SDHA: variants seen among roughly 807,000 people sequenced by gnomAD.
SDHA encodes the protein succinate dehydrogenase complex flavoprotein subunit A, also known as succinate dehydrogenase [ubiquinone] flavoprotein subunit, mitochondrial.
In SDHA, 48 loss-of-function variants were observed where a neutral mutation model predicts 78.4. That is an observed-to-expected ratio of 0.61 (90% CI 0.49 to 0.78). SDHA has a LOEUF of 0.78. Among genes scored for constraint, SDHA ranks in the 30% least tolerant of loss-of-function variants. The probability of loss-of-function intolerance (pLI) is 0.00; values close to 1 mark genes in which losing one functional copy is unlikely to be tolerated. For missense variants in SDHA, 680 were observed against 892.7 expected (o/e 0.76, Z 3.04); for synonymous variants, 326 against 353.9 (o/e 0.92, Z 0.88).
chr5:262,158 GT>G, the SDHA span, among the ~76,000 whole-genome samples: 1 of 65,946 alleles, frequency 1.5e-5, no homozygotes, highest in Non-Finnish European at 3.1e-5. Context: ...TCCGCCTCCC[GT>G]CAGAGCATTA....
At chr5:253,692 C>T (rs1009243325) in intron 13 of SDHA, among the ~76,000 whole-genome samples, 1 of 152,164 alleles carries the variant, frequency 6.6e-6, no homozygotes, top group Non-Finnish European at 1.5e-5. Flanking sequence ...ACCTCGGCCT[C>T]CCAAAGTGCT....
intron 11 of SDHA, among the ~76,000 whole-genome samples, chr5:240,777 C>A (rs1470243323): frequency 6.6e-6 from 1 of 151,998 alleles, no homozygotes; most frequent in Non-Finnish European, 1.5e-5. Context: ...GAATGTGTGA[C>A]ACTTGACCTT....
chr5:230,939 C>T lies in SDHA; in HGVS notation c.834C>T (p.Ala278=), dbSNP rs1553998649. 9 of 1,614,042 alleles carry T rather than the reference C, an allele frequency of 5.6e-6. No individual in the cohort carries two copies. Among genetic ancestry groups the T allele is most frequent in the Non-Finnish European group, 7.6e-6 (9 of 1,179,898 alleles). The change falls in exon 7 of 15, where the codon GCC becomes GCT. Residue 278 remains alanine, a synonymous_variant. Transcript: ENST00000264932. ...ACACCAGCACTGGCGACGGCACGGC[C>T]ATGATCACCAGGGCAGGCCTTCCTT... The part of the protein sequence containing the change: ...SAHTSTGDGT[A]MITRAGLPCQ...
At chr5:228,395 CTTTAT>C in intron 6 of SDHA, 62 bp downstream of exon 6, 1 of 1,519,994 alleles carries the variant, frequency 6.6e-7, no homozygotes, top group Non-Finnish European at 9.0e-7. Context: ...TTTAGAGTTT[CTTTAT>C]TTTAATGAAA....
At chr5:244,500 G>A (rs1323242059) in intron 11 of SDHA, among the ~76,000 whole-genome samples, 1 of 152,040 alleles carries the variant, frequency 6.6e-6, no homozygotes, top group Non-Finnish European at 1.5e-5. Context: ...ATGAACAAAA[G>A]GATATGGAAG....
chr5:246,789 G>A (rs1194448286), intron 11 of SDHA, among the ~76,000 whole-genome samples: 1 of 152,186 alleles, frequency 6.6e-6, no homozygotes, highest in Admixed American at 6.5e-5. Context: ...CTAATTCATG[G>A]ACTCTAACTC....
intron 7 of SDHA, 21 bp downstream of exon 7, chr5:231,021 C>T (rs752620263): frequency 8.4e-5 from 135 of 1,613,598 alleles, no homozygotes; most frequent in African/African-American, 1.9e-4. Flanking sequence ...ACGCCTTGCC[C>T]GGCAGGTGTT....
At chr5:232,168 T>C (rs566802937) in intron 7 of SDHA, among the ~76,000 whole-genome samples, 5 of 152,256 alleles carry the variant, frequency 3.3e-5, no homozygotes, top group African/African-American at 1.2e-4. Flanking sequence ...AGCTTTCTGA[T>C]CCCTGGAAGG....
At chr5:241,679 A>G (rs1411212454) in intron 11 of SDHA, among the ~76,000 whole-genome samples, 2 of 152,308 alleles carry the variant, frequency 1.3e-5, no homozygotes, top group East Asian at 1.9e-4. Context: ...ATTTCTGTGT[A>G]TTTTCTAAAA....
chr5:258,670 T>C (rs1326303935), downstream of SDHA, among the ~76,000 whole-genome samples: 48 of 93,806 alleles, frequency 5.1e-4, no homozygotes, highest in Non-Finnish European at 7.5e-4. Context: ...GAGCTCCGCC[T>C]CCTGTCACAG....
chr5:246,592 A>G (rs1001583886), intron 11 of SDHA, among the ~76,000 whole-genome samples: 18 of 152,252 alleles, frequency 1.2e-4, no homozygotes, highest in Non-Finnish European at 2.5e-4. Context: ...AATTTTTCCA[A>G]CTCCACATTC....
intron 6 of SDHA, among the ~76,000 whole-genome samples, chr5:229,941 T>C (rs1735284262): frequency 1.3e-5 from 2 of 149,772 alleles, no homozygotes; most frequent in Non-Finnish European, 2.9e-5. Context: ...CTAGAGTTAA[T>C]ATACAGCATG....
At chr5:250,901 A>T in intron 11 of SDHA, 91 bp from the exon 12 acceptor site, 1 of 1,075,304 alleles carries the variant, frequency 9.3e-7, no homozygotes, top group Non-Finnish European at 1.4e-6. Context: ...CTTTTAAGTG[A>T]AATGCAAAAC....
chr5:228,861 A>C (rs1735209329), intron 6 of SDHA, among the ~76,000 whole-genome samples: 1 of 152,178 alleles, frequency 6.6e-6, no homozygotes, highest in African/African-American at 2.4e-5. Flanking sequence ...TATGTGTAAT[A>C]ATATCTTACT....
Position 242,820 on chromosome 5 carries a change from G to A in SDHA, c.1551+2344G>A, listed in dbSNP as rs147308945. Among the ~76,000 whole-genome samples the A allele has an allele frequency of 7.6e-4, 116 of 152,292 alleles. No homozygotes were observed. The East Asian group carries it at 0.02, about 27-fold the overall frequency. On this transcript the variant is annotated intron_variant, in intron 11 of 14. Transcript: ENST00000264932. ...TAACAATGGGACACGTGTGGGCTCTGGTTCGTTCCACCTTGGAACCTTTTC... is the reference window on the plus strand; with the variant it reads ...TAACAATGGGACACGTGTGGGCTCTAGTTCGTTCCACCTTGGAACCTTTTC...
Position 233,575 on chromosome 5 carries a change from C to G in SDHA, c.994C>G (p.Pro332Ala), listed in dbSNP as rs373509391. Residue 332 changes from proline (P) to alanine (A), a missense_variant, in exon 8 of 15, where the codon CCT (proline) becomes GCT (alanine). By Grantham distance (27) the Pro-to-Ala change is conservative. Transcript: ENST00000264932. ...QGERFMERYA[P>A]VAKDLASRDV... ...CGAAAGGTTTATGGAGCGATACGCC[C>G]CTGTCGCGAAGGACCTGGCGTCTAG... 16 of 1,614,072 alleles carry G rather than the reference C, an allele frequency of 9.9e-6. No individual in the cohort carries two copies. The African/African-American group carries it at 2.1e-4, about 22-fold the overall frequency.
chr5:248,072 A>G (rs1368971660), intron 11 of SDHA, among the ~76,000 whole-genome samples: 1 of 152,266 alleles, frequency 6.6e-6, no homozygotes, highest in Non-Finnish European at 1.5e-5. Context: ...AGCTGCAAAG[A>G]CAGAAGCAGA....
At chr5:249,186 GT>G in intron 11 of SDHA, 1 of 351,584 alleles carries the variant, frequency 2.8e-6, no homozygotes, top group Non-Finnish European at 5.4e-6. Context: ...TGGAAGCTCT[GT>G]GATTTCAATG....
intron 11 of SDHA, among the ~76,000 whole-genome samples, chr5:245,261 G>T (rs1476872734): frequency 1.3e-5 from 2 of 152,054 alleles, no homozygotes; most frequent in African/African-American, 4.8e-5. Context: ...CAACCTACGG[G>T]GACATTACAG....
Sources: gnomAD v4.1 joint callset for allele counts (sites outside exome capture counted in the v4.1 genomes callset) on GRCh38, gnomAD v4.1.1 for gene constraint, MANE v1.5 for transcripts, NCBI Gene and HGNC (gene_info 2026-07-23, HGNC 2026-07-21) for gene names.